Variants in GNAO1 observed in about 807,000 individuals in gnomAD.
GNAO1 encodes G protein subunit alpha o1.
For synonymous variants in GNAO1, 164 were observed against 180.7 expected (o/e 0.91, Z 0.74); for missense variants, 166 against 478.7 (o/e 0.35, Z 6.10).
At chr16:56,286,743 C>G (rs1405315240) in intron 3 of GNAO1, among the ~76,000 whole-genome samples, 2 of 150,278 alleles carry the variant, frequency 1.3e-5, no homozygotes, top group African/African-American at 4.9e-5. Context: ...ATGTGTGTAT[C>G]TGTCTGTCTG....
intron 6 of GNAO1, chr16:56,345,077 G>A: frequency 1.0e-6 from 1 of 985,540 alleles, no homozygotes; most frequent in South Asian, 4.7e-5. Context: ...ACTCTAAAGG[G>A]AGAGTCCTAG....
intron 4 of GNAO1, 155 bp downstream of exon 4, chr16:56,328,946 T>G: frequency 1.4e-6 from 1 of 692,152 alleles, no homozygotes; most frequent in East Asian, 2.8e-5. Flanking sequence ...CAGGAAGGAA[T>G]GAGAAGGGGC....
chr16:56,236,743 G>A (rs1016977230), intron 2 of GNAO1, among the ~76,000 whole-genome samples: 26 of 152,232 alleles, frequency 1.7e-4, no homozygotes, highest in African/African-American at 6.3e-4. Context: ...CTCTGTAATC[G>A]CCAAATACCT....
chr16:56,194,114 G>A (rs1425494043), intron 2 of GNAO1: 2 of 456,582 alleles, frequency 4.4e-6, no homozygotes, highest in East Asian at 7.0e-5. Flanking sequence ...GTAGCGACTC[G>A]GAGACAATTT....
At chr16:56,217,083 A>C (rs1169675406) in intron 2 of GNAO1, among the ~76,000 whole-genome samples, 1 of 152,290 alleles carries the variant, frequency 6.6e-6, no homozygotes, top group South Asian at 2.1e-4. Context: ...AACAGATCTC[A>C]TTTGGATATA....
intron 3 of GNAO1, among the ~76,000 whole-genome samples, chr16:56,282,233 G>A (rs2037121387): frequency 1.3e-5 from 2 of 152,124 alleles, no homozygotes. Flanking sequence ...CAGCATTTTG[G>A]ACTGTAAAAT....
intron 3 of GNAO1, among the ~76,000 whole-genome samples, chr16:56,313,480 T>C (rs954196148): frequency 5.3e-5 from 8 of 152,192 alleles, no homozygotes; most frequent in African/African-American, 1.9e-4. Context: ...ATGTCATTGT[T>C]TTACATTTTT....
intron 4 of GNAO1, among the ~76,000 whole-genome samples, chr16:56,333,756 C>G (rs1486554429): frequency 2.0e-5 from 3 of 152,276 alleles, no homozygotes; most frequent in African/African-American, 7.2e-5. Flanking sequence ...CCAGCAGGTC[C>G]TGGAGCAGAT....
intron 6 of GNAO1, among the ~76,000 whole-genome samples, chr16:56,350,926 C>T (rs1410248391): frequency 6.6e-6 from 1 of 152,016 alleles, no homozygotes; most frequent in Non-Finnish European, 1.5e-5. Context: ...GGCACGCACA[C>T]ACACTCAAGC....
At position 56,333,594 on chromosome 16, in the gene GNAO1, C is replaced by A. The variant is rs117145430; in HGVS notation, c.465-1135C>A. Among the ~76,000 whole-genome samples the A allele has an allele frequency of 1.6e-3, 251 of 152,360 alleles. 2 individuals carry two copies. The Middle Eastern group carries it at 0.041, about 25-fold the overall frequency. On this transcript the variant is annotated intron_variant, in intron 4 of 8. Coordinates refer to ENST00000262493, the MANE Select transcript of GNAO1 (RefSeq NM_020988.3). ...CCCTTCTGTTTTCTTTTCTTAGGGG[C>A]ATTCTCACAAGGATTGTCACTGGGT...
At chr16:56,234,404 G>T (rs1286647674) in intron 2 of GNAO1, among the ~76,000 whole-genome samples, 1 of 152,240 alleles carries the variant, frequency 6.6e-6, no homozygotes, top group Non-Finnish European at 1.5e-5. Flanking sequence ...TCCAAAGAGG[G>T]GATTGACAGA....
At chr16:56,216,275 T>A (rs572966305) in intron 2 of GNAO1, among the ~76,000 whole-genome samples, 3 of 152,242 alleles carry the variant, frequency 2.0e-5, no homozygotes, top group Non-Finnish European at 4.4e-5. Context: ...ATCATAATGC[T>A]TTTTGTTAAG....
At position 56,221,345 on chromosome 16, in the gene GNAO1, G is replaced by A; in HGVS notation, c.161+28729G>A. 2.0e-5 allele frequency among the ~76,000 whole-genome samples: 3 copies of A among 152,146 alleles called. 1 individual carries two copies. Among genetic ancestry groups the A allele is most frequent in the Admixed American group, 2.0e-4 (3 of 15,290 alleles). On this transcript the variant is annotated intron_variant, in intron 2 of 8. Transcript: ENST00000262493. ...CCACACCCTGCCTCAAGTGTTCACCGATTTCAGATGAAGAAGTCATGGGGC... is the reference window on the plus strand; with the variant it reads ...CCACACCCTGCCTCAAGTGTTCACCAATTTCAGATGAAGAAGTCATGGGGC...
rs1299464291 is a variant in GNAO1, at chr16:56,326,015, C to T, written c.304-2616C>T. 6.6e-6 allele frequency among the ~76,000 whole-genome samples: 1 copy of T among 152,238 alleles called. No homozygotes were observed. Among genetic ancestry groups the T allele is most frequent in the Non-Finnish European group, 1.5e-5 (1 of 68,046 alleles). ...CTCACCAGCCACCTCCTCCACTCAT[C>T]GACCCTCTTCCTTGCCTTGGCATCC... On this transcript the variant is annotated intron_variant, in intron 3 of 8. Transcript: ENST00000262493. The surrounding 1 kb of genome is among the most constrained non-coding windows in gnomAD (Gnocchi z 4.8).
intron 3 of GNAO1, among the ~76,000 whole-genome samples, chr16:56,294,341 T>TAGAAAAAAAAAAAAAAAAA (rs1555505146): frequency 7.5e-6 from 1 of 133,640 alleles, no homozygotes. Flanking sequence ...GGCTTTGCTT[T>TAGAAAAAAAAAAAAAAAAA]AAAAAAAAAA....
rs921565958 is a variant in GNAO1 at position 56,328,727 on chromosome 16, G to A, written c.400G>A (p.Asp134Asn). ...LLSAMMRLWG[D>N]SGIQECFNRS... ...TTCTGCCATGATGCGGCTCTGGGGCGACTCAGGAATCCAAGAGTGCTTCAA... is the reference window on the plus strand; with the variant it reads ...TTCTGCCATGATGCGGCTCTGGGGCAACTCAGGAATCCAAGAGTGCTTCAA... The change falls in exon 4 of 9, where the codon GAC becomes AAC. Residue 134 changes from aspartate to asparagine, a missense_variant. Physicochemically the swap from Asp to Asn is conservative, Grantham distance 23 (BLOSUM62 1). Coordinates refer to ENST00000262493, the MANE Select transcript of GNAO1 (RefSeq NM_020988.3). 9.9e-6 allele frequency: 16 copies of A among 1,614,098 alleles called. No homozygotes were observed. Among genetic ancestry groups the A allele is most frequent in the African/African-American group, 2.7e-5 (2 of 74,936 alleles).
chr16:56,219,284 G>A (rs1275067997), intron 2 of GNAO1, among the ~76,000 whole-genome samples: 1 of 152,086 alleles, frequency 6.6e-6, no homozygotes, highest in Admixed American at 6.5e-5. Flanking sequence ...TGCCTTCTTG[G>A]AGCTCCAAAG....
chr16:56,321,239 A>G (rs1246906523), intron 3 of GNAO1, among the ~76,000 whole-genome samples: 1 of 152,148 alleles, frequency 6.6e-6, no homozygotes, highest in Admixed American at 6.5e-5. Flanking sequence ...CAAACAAACA[A>G]CATATCCTCC....
chr16:56,205,513 T>A (rs1358541268), intron 2 of GNAO1, among the ~76,000 whole-genome samples: 3 of 152,194 alleles, frequency 2.0e-5, no homozygotes, highest in African/African-American at 7.2e-5. Flanking sequence ...AGAATGGTGA[T>A]GTGTGGAGAG....
Sources: gnomAD v4.1 joint callset for allele counts (sites outside exome capture counted in the v4.1 genomes callset) on GRCh38, gnomAD v4.1.1 for gene constraint, Gnocchi (gnomAD v3.1) non-coding constraint, MANE v1.5 for transcripts, NCBI Gene and HGNC (gene_info 2026-07-23, HGNC 2026-07-21) for gene names.